Variants in AKNAD1 observed in about 807,000 individuals in gnomAD.
The protein encoded by AKNAD1 is AKNA domain containing 1, also known as protein AKNAD1.
AKNAD1 carries 67 observed loss-of-function variants against 90.8 expected under a neutral mutation model. That is an observed-to-expected ratio of 0.74 (90% confidence interval 0.61 to 0.90). The LOEUF is 0.90. Ranked by LOEUF, AKNAD1 falls within the 40% of genes least tolerant of loss-of-function variation. The pLI is 0.00. For synonymous variants in AKNAD1, 327 were observed against 341.4 expected (o/e 0.96, Z 0.46); for missense variants, 957 against 975.4 (o/e 0.98, Z 0.25).
At chr1:108,820,687 A>C (rs944240695) in intron 13 of AKNAD1, 61 bp from the exon 14 acceptor site, 12 of 906,892 alleles carry the variant, frequency 1.3e-5, no homozygotes, top group African/African-American at 1.7e-5. Flanking sequence ...AATGGTGCCT[A>C]TGTATCATTC....
Position 108,843,253 on chromosome 1 carries a change from C to T in AKNAD1, c.1260G>A (p.Leu420=), listed in dbSNP as rs920601053. 2 of 1,613,878 alleles carry T rather than the reference C, an allele frequency of 1.2e-6. No individual in the cohort carries two copies. Among genetic ancestry groups the T allele is most frequent in the South Asian group, 1.1e-5 (1 of 91,040 alleles). Residue 420 remains leucine, a synonymous_variant, in exon 6 of 16, where the codon CTG becomes CTA. Transcript: ENST00000370001. ...LQDKKLVLEK[L]QGHLELLEQN... ...GCTCCAGCAGTTCAAGGTGTCCCTG[C>T]AGTTTCTCCAGGACCTGCAGCGGTG... is the stretch of plus-strand genomic sequence containing the variant.
Position 108,817,185 on chromosome 1 carries a change from A to G in AKNAD1, c.2250-8T>C. Reference sequence around the variant, plus strand: ...AAAGCCTGAAGTTTTTTTCTGGAAGACAAAAGCACATTGATACTTGTGTCA... The same window carrying G: ...AAAGCCTGAAGTTTTTTTCTGGAAGGCAAAAGCACATTGATACTTGTGTCA... On this transcript the variant is annotated splice_polypyrimidine_tract_variant and splice_region_variant and intron_variant, in intron 14 of 15. Transcript: ENST00000370001. 6.2e-7 allele frequency: 1 copy of G among 1,613,878 alleles called. No individual in the cohort carries two copies. Among genetic ancestry groups the G allele is most frequent in the Non-Finnish European group, 8.5e-7 (1 of 1,179,886 alleles).
chr1:108,846,999 C>T (rs775472337), intron 5 of AKNAD1, among the ~76,000 whole-genome samples: 1 of 152,102 alleles, frequency 6.6e-6, no homozygotes, highest in Non-Finnish European at 1.5e-5. Flanking sequence ...CCATCTGCCA[C>T]CATTTCCCTA....
chr1:108,817,428 G>C, intron 14 of AKNAD1: 1 of 303,786 alleles, frequency 3.3e-6, no homozygotes. Flanking sequence ...ACAGAAAGAG[G>C]CAAGACTCTA....
intron 10 of AKNAD1, among the ~76,000 whole-genome samples, chr1:108,829,719 C>A (rs191568941): frequency 6.6e-6 from 1 of 152,322 alleles, no homozygotes; most frequent in African/African-American, 2.4e-5. Flanking sequence ...CTCAGTCTTT[C>A]AGACCCTGTC....
intron 9 of AKNAD1, 95 bp from the exon 10 acceptor site, chr1:108,830,745 T>A: frequency 8.2e-7 from 1 of 1,216,688 alleles, no homozygotes; most frequent in Non-Finnish European, 1.2e-6. Context: ...GAGGTCCGGC[T>A]GAACTTGCCA....
chr1:108,857,317 A>G (rs1322808481), upstream of AKNAD1: 2 of 152,932 alleles, frequency 1.3e-5, no homozygotes, highest in Non-Finnish European at 2.9e-5. Context: ...TTTATTATGA[A>G]GTCTAAATTT....
rs1457329934 is a variant in AKNAD1 at position 108,837,840 on chromosome 1, G to A, written c.1380-134C>T. ...TCTTCTGTCACAAAGGATAATGGGA[G>A]CCCGCATGACTGTTCATAGTTTCTC... is the stretch of plus-strand genomic sequence containing the variant. On this transcript the variant is annotated intron_variant, in intron 6 of 15. Transcript: ENST00000370001. The A allele has an allele frequency of 1.6e-5, 16 of 995,582 alleles. No individual in the cohort carries two copies. The Admixed American group carries it at 3.5e-4, about 22-fold the overall frequency. The allele number at this position is 995,582 out of a possible 1,614,324, so 61.7% of individuals were successfully genotyped here. A position where few individuals can be genotyped will look rare whatever the true frequency, so the allele number is the denominator to read the frequency against.
chr1:108,819,806 G>A (rs11588935), intron 14 of AKNAD1, among the ~76,000 whole-genome samples: 29 of 150,974 alleles, frequency 1.9e-4, no homozygotes, highest in Non-Finnish European at 3.4e-4. Context: ...GCTGAGGCGG[G>A]AGGATGACTT....
chr1:108,849,257 GA>G (rs910805986), intron 3 of AKNAD1, among the ~76,000 whole-genome samples, 197 bp from the exon 4 acceptor site: 3 of 152,036 alleles, frequency 2.0e-5, no homozygotes, highest in Non-Finnish European at 4.4e-5. Flanking sequence ...AAAGCGGGGG[GA>G]TCACTTGAAG....
chr1:108,852,649 A>T lies in AKNAD1; in HGVS notation c.16T>A (p.Phe6Ile). MDEAD[F>I]SEHTTYKQED... is the part of the protein sequence containing the mutation. Reference sequence around the variant, plus strand: ...TGCTTATAAGTCGTGTGTTCTGAAAAATCAGCCTCATCCATGTGTGTGCAG... The same window carrying T: ...TGCTTATAAGTCGTGTGTTCTGAAATATCAGCCTCATCCATGTGTGTGCAG... The change falls in exon 2 of 16, where the codon TTT (phenylalanine) becomes ATT (isoleucine). Residue 6 changes from phenylalanine to isoleucine, a missense_variant. Phe to Ile is a conservative substitution (Grantham distance 21). Coordinates refer to ENST00000370001, the MANE Select transcript of AKNAD1 (RefSeq NM_152763.5). The T allele has an allele frequency of 6.3e-7, 1 of 1,583,114 alleles. No individual in the cohort carries two copies. Among genetic ancestry groups the T allele is most frequent in the Non-Finnish European group, 8.6e-7 (1 of 1,166,238 alleles).
At chr1:108,823,538 C>A (rs1156696212) in intron 12 of AKNAD1, 28 bp downstream of exon 12, 6 of 1,613,046 alleles carry the variant, frequency 3.7e-6, no homozygotes, top group Non-Finnish European at 5.1e-6. Flanking sequence ...TCCCCACTCG[C>A]CTTTCTGAGG....
At chr1:108,822,736 A>G (rs963576828) in intron 13 of AKNAD1, among the ~76,000 whole-genome samples, 3 of 152,120 alleles carry the variant, frequency 2.0e-5, no homozygotes, top group Non-Finnish European at 4.4e-5. Context: ...TAAAACTAGG[A>G]GTATTTCCTT....
intron 1 of AKNAD1, among the ~76,000 whole-genome samples, chr1:108,856,413 A>T (rs1428933425): frequency 6.6e-6 from 1 of 152,164 alleles, no homozygotes; most frequent in African/African-American, 2.4e-5. Flanking sequence ...AGAAAAAGAA[A>T]AAAAGTCCAG....
chr1:108,844,440 A>G (rs1020966882), intron 5 of AKNAD1, among the ~76,000 whole-genome samples: 2 of 151,922 alleles, frequency 1.3e-5, no homozygotes, highest in Non-Finnish European at 2.9e-5. Flanking sequence ...ATATGTATAT[A>G]TAGATATAGA....
At position 108,820,609 on chromosome 1, in the gene AKNAD1, G is replaced by T. The variant is rs376795883; in HGVS notation, c.2185C>A (p.Arg729=). The T allele has an allele frequency of 1.9e-6, 3 of 1,609,084 alleles. No individual in the cohort carries two copies. The highest frequency in any genetic ancestry group is 2.5e-6 in the Non-Finnish European group (3 of 1,177,102). Residue 729 remains arginine, a synonymous_variant, in exon 14 of 16, where the codon CGG becomes AGG. Coordinates refer to ENST00000370001, the MANE Select transcript of AKNAD1 (RefSeq NM_152763.5). ...GAATTCACTCTCTGAGAACAGATCCGTTTGGGTTTTAAAAAAGCTGAAAAA... is the reference window on the plus strand; with the variant it reads ...GAATTCACTCTCTGAGAACAGATCCTTTTGGGTTTTAAAAAAGCTGAAAAA... ...NSSPSFLKPK[R]ICSQRVNSKS...
At chr1:108,823,538 C>T (rs1156696212) in intron 12 of AKNAD1, 28 bp downstream of exon 12, 3 of 1,613,046 alleles carry the variant, frequency 1.9e-6, no homozygotes, top group South Asian at 1.1e-5. Flanking sequence ...TCCCCACTCG[C>T]CTTTCTGAGG....
chr1:108,849,095 A>C, intron 3 of AKNAD1, 35 bp from the exon 4 acceptor site: 1 of 1,519,678 alleles, frequency 6.6e-7, no homozygotes, highest in African/African-American at 1.4e-5. Context: ...GCTACCATTC[A>C]TCTCAACTTA....
At chr1:108,829,836 G>C (rs555839529) in intron 10 of AKNAD1, among the ~76,000 whole-genome samples, 1 of 152,186 alleles carries the variant, frequency 6.6e-6, no homozygotes, top group African/African-American at 2.4e-5. Flanking sequence ...AGCTTTGGCC[G>C]GAGTCCACAG....
Sources: gnomAD v4.1 joint callset for allele counts (sites outside exome capture counted in the v4.1 genomes callset) on GRCh38, gnomAD v4.1.1 for gene constraint, MANE v1.5 for transcripts, NCBI Gene and HGNC (gene_info 2026-07-23, HGNC 2026-07-21) for gene names.